SEL1L3: variants seen among roughly 807,000 people sequenced by gnomAD.
SEL1L3 encodes the protein protein sel-1 homolog 3.
In SEL1L3, 76 loss-of-function variants were observed where a neutral mutation model predicts 142.8. The observed-to-expected ratio is 0.53, with a 90% CI of 0.44 to 0.64. The LOEUF (loss-of-function observed/expected upper bound fraction) is 0.64. SEL1L3 is among the 30% of genes least tolerant of loss of function. The probability of loss-of-function intolerance (pLI) is 0.00; values close to 1 mark genes in which losing one functional copy is unlikely to be tolerated. For missense variants in SEL1L3, 1,262 were observed against 1,381.7 expected, an observed-to-expected ratio of 0.91 and a Z score of 1.37; for synonymous variants, 504 against 519.6, an observed-to-expected ratio of 0.97 and a Z score of 0.41.
chr4:25,783,710 T>C (rs115275206), intron 14 of SEL1L3, among the ~76,000 whole-genome samples: 12 of 152,332 alleles, frequency 7.9e-5, no homozygotes, highest in African/African-American at 1.9e-4. Context: ...GTATAGGAAC[T>C]AGCTGACTTG....
In SEL1L3 at chr4:25,782,375, T is replaced by C. The variant is rs761065151; in HGVS notation, c.2324A>G (p.Lys775Arg). The C allele has an allele frequency of 1.9e-6, 3 of 1,613,906 alleles. No individual in the cohort carries two copies. Among genetic ancestry groups the C allele is most frequent in the East Asian group, 2.2e-5 (1 of 44,884 alleles). ...TGCTTTGGCGTAATTTTTCTTGAAT[T>C]TGTGGTAATACCATCCCAGGCCATT... ...AVNGLGWYYH[K>R]FKKNYAKAAK... is the part of the protein sequence containing the mutation. Residue 775 changes from lysine (K) to arginine (R), a missense_variant, in exon 15 of 24, where the codon AAA becomes AGA. Physicochemically the swap from Lys to Arg is conservative, Grantham distance 26. Coordinates refer to ENST00000399878, the MANE Select transcript of SEL1L3 (RefSeq NM_015187.5).
chr4:25,716,062 T>C, the SEL1L3 span, among the ~76,000 whole-genome samples: 2 of 152,158 alleles, frequency 1.3e-5, no homozygotes, highest in East Asian at 3.9e-4. Flanking sequence ...ACATTGAAGT[T>C]AAAATTTTTG....
chr4:25,774,347 T>G (rs909143884), intron 17 of SEL1L3, among the ~76,000 whole-genome samples: 5 of 152,190 alleles, frequency 3.3e-5, no homozygotes, highest in Non-Finnish European at 5.9e-5. Flanking sequence ...CAGTAAAATC[T>G]GCGGAACTGA....
At chr4:25,724,736 C>CAAAAAAAAAAAAAAAAAAAAA in the SEL1L3 span, among the ~76,000 whole-genome samples, 3 of 6,000 alleles carry the variant, frequency 5.0e-4, no homozygotes, top group Admixed American at 2.2e-3. Context: ...GACTCCAACT[C>CAAAAAAAAAAAAAAAAAAAAA]AAAAAAAAAA....
At chr4:25,785,071 C>T (rs992988925) in intron 13 of SEL1L3, among the ~76,000 whole-genome samples, 1 of 152,160 alleles carries the variant, frequency 6.6e-6, no homozygotes, top group Non-Finnish European at 1.5e-5. Context: ...TAAACCACTG[C>T]TGCTTCCAAA....
intron 15 of SEL1L3, among the ~76,000 whole-genome samples, chr4:25,780,623 C>A (rs1391912838): frequency 6.6e-6 from 1 of 151,630 alleles, no homozygotes; most frequent in Non-Finnish European, 1.5e-5. Context: ...GGAGTCTATA[C>A]AATATCACCT....
chr4:25,785,531 C>G (rs1711756030), intron 13 of SEL1L3, among the ~76,000 whole-genome samples: 1 of 152,206 alleles, frequency 6.6e-6, no homozygotes, highest in Non-Finnish European at 1.5e-5. Flanking sequence ...CCAAATAAAA[C>G]TGAATCCAAC....
Position 25,757,703 on chromosome 4 carries a change from G to C in SEL1L3, c.3171C>G (p.Ile1057Met), listed in dbSNP as rs1374600156. 4 of 1,593,980 alleles carry C rather than the reference G, an allele frequency of 2.5e-6. No homozygotes were observed. In the South Asian group the frequency reaches 4.6e-5, roughly 18 times the overall value. ...TGAAACCTACCAGGGCTGAGTGCAGGATAGCACCCCAGAGAAGCCGCAAGT... is the reference window on the plus strand; with the variant it reads ...TGAAACCTACCAGGGCTGAGTGCAGCATAGCACCCCAGAGAAGCCGCAAGT... ...YLHLRLLWGAILHSALIYFLG... is the reference protein window; with the variant it reads ...YLHLRLLWGAMLHSALIYFLG... The change falls in exon 22 of 24, where the codon ATC becomes ATG. Residue 1057 changes from isoleucine (I) to methionine (M), a missense_variant. Ile to Met is a conservative substitution (Grantham distance 10). This residue lies in a region of SEL1L3 where 138 missense variants were observed against 129.7 expected (regional missense o/e 1.06). Transcript: ENST00000399878.
chr4:25,742,663 C>T (rs754186243), downstream of SEL1L3, among the ~76,000 whole-genome samples: 2 of 152,102 alleles, frequency 1.3e-5, no homozygotes, highest in Non-Finnish European at 2.9e-5. Flanking sequence ...AATTTCTAGA[C>T]ACTTTACAAC....
At chr4:25,762,750 T>C (rs1718455389) in intron 20 of SEL1L3, among the ~76,000 whole-genome samples, 2 of 152,196 alleles carry the variant, frequency 1.3e-5, no homozygotes, top group South Asian at 4.1e-4. Context: ...GAGGCCAAGG[T>C]GGGCGGATCA....
At chr4:25,857,466 G>A (rs566923698) in intron 1 of SEL1L3, among the ~76,000 whole-genome samples, 1 of 152,308 alleles carries the variant, frequency 6.6e-6, no homozygotes, top group African/African-American at 2.4e-5. Flanking sequence ...GCACTGGGAT[G>A]GGTGTGTTAA....
chr4:25,729,791 G>A, the SEL1L3 span, among the ~76,000 whole-genome samples: 2 of 152,264 alleles, frequency 1.3e-5, no homozygotes, highest in East Asian at 1.9e-4. Flanking sequence ...CTCTGGTGAC[G>A]TGCCTGTGTT....
Position 25,767,567 on chromosome 4 carries a change from A to G in SEL1L3, c.2803T>C (p.Tyr935His). 1 of 1,602,052 alleles carries G rather than the reference A, an allele frequency of 6.2e-7. No individual in the cohort carries two copies. The highest frequency in any genetic ancestry group is 8.5e-7 in the Non-Finnish European group (1 of 1,172,130). Residue 935 changes from tyrosine to histidine, a missense_variant, in exon 19 of 24, where the codon TAC becomes CAC. This residue lies in a region of SEL1L3 where 435 missense variants were observed against 559.2 expected (regional missense o/e 0.78). Coordinates refer to ENST00000399878, the MANE Select transcript of SEL1L3 (RefSeq NM_015187.5). ...RYLGVNCVWR[Y>H]YNFSVFQIDA... is the part of the protein sequence containing the mutation. Reference sequence around the variant, plus strand: ...ATTTGAAAAACAGAGAAATTATAGTATCTCCAAACACAGTTAACACCCAAG... The same window carrying G: ...ATTTGAAAAACAGAGAAATTATAGTGTCTCCAAACACAGTTAACACCCAAG...
chr4:25,777,847 G>T (rs1225224526), intron 16 of SEL1L3: 1 of 456,062 alleles, frequency 2.2e-6, no homozygotes, highest in Non-Finnish European at 4.4e-6. Flanking sequence ...GAGAGCCAGG[G>T]TATCAGTGTG....
chr4:25,821,802 C>T (rs1714778447), intron 7 of SEL1L3, among the ~76,000 whole-genome samples, 194 bp downstream of exon 7: 1 of 152,180 alleles, frequency 6.6e-6, no homozygotes. Flanking sequence ...TTTATGAGTA[C>T]TAAATGAACC....
intron 5 of SEL1L3, among the ~76,000 whole-genome samples, chr4:25,831,851 T>A (rs1715468511): frequency 6.6e-6 from 1 of 151,994 alleles, no homozygotes; most frequent in Non-Finnish European, 1.5e-5. Flanking sequence ...TTTGTGACAG[T>A]CCTTTACCTG....
chr4:25,818,507 C>A (rs1336036196), intron 8 of SEL1L3, among the ~76,000 whole-genome samples: 1 of 152,174 alleles, frequency 6.6e-6, no homozygotes, highest in Admixed American at 6.5e-5. Context: ...TTGAATAATT[C>A]TACAGAATGA....
chr4:25,835,623 G>C (rs1246475317), intron 2 of SEL1L3, among the ~76,000 whole-genome samples: 1 of 152,216 alleles, frequency 6.6e-6, no homozygotes, highest in East Asian at 1.9e-4. Context: ...CACAATTCAG[G>C]TTCTGAACTC....
chr4:25,729,760 A>C, the SEL1L3 span, among the ~76,000 whole-genome samples: 1 of 152,134 alleles, frequency 6.6e-6, no homozygotes, highest in African/African-American at 2.4e-5. Flanking sequence ...CCCATTTAGC[A>C]TAAAACCCGG....
Sources: gnomAD v4.1 joint callset for allele counts (sites outside exome capture counted in the v4.1 genomes callset) on GRCh38, gnomAD v4.1.1 for gene constraint, gnomAD v4.1.1 regional missense constraint, MANE v1.5 for transcripts, NCBI Gene and HGNC (gene_info 2026-07-23, HGNC 2026-07-21) for gene names.